Variants in CTNNA3 observed in about 807,000 individuals in gnomAD.
The protein encoded by CTNNA3 is catenin alpha-3.
In CTNNA3, 76 loss-of-function variants were observed where a neutral mutation model predicts 95.7. That is an observed-to-expected ratio of 0.79 (90% CI 0.66 to 0.96). The LOEUF (loss-of-function observed/expected upper bound fraction) is 0.96, where lower values mean the gene tolerates loss of function less well. CTNNA3 is among the 40% of genes least tolerant of loss of function. CTNNA3 has a pLI of 0.00. For synonymous variants in CTNNA3, 431 were observed against 374.4 expected (o/e 1.15, Z -1.74); for missense variants, 1,191 against 1,089.8 (o/e 1.09, Z -1.31).
intron 7 of CTNNA3, among the ~76,000 whole-genome samples, chr10:67,173,805 C>T (rs969799960): frequency 3.9e-5 from 6 of 152,184 alleles, no homozygotes; most frequent in African/African-American, 1.2e-4. Flanking sequence ...GAACTTCTAA[C>T]ATATGAGGAA....
intron 2 of CTNNA3, among the ~76,000 whole-genome samples, chr10:67,640,088 T>C (rs1839475100): frequency 6.6e-6 from 1 of 152,248 alleles, no homozygotes; most frequent in Admixed American, 6.5e-5. Flanking sequence ...ATGGCATGAT[T>C]GTATATCTAG....
intron 11 of CTNNA3, among the ~76,000 whole-genome samples, chr10:66,427,880 A>G (rs1213373615): frequency 6.6e-6 from 1 of 152,176 alleles, no homozygotes; most frequent in African/African-American, 2.4e-5. Context: ...TCATAATGAC[A>G]GGATCAAATT....
chr10:66,927,673 A>G lies in CTNNA3; in HGVS notation c.1048-152149T>C, dbSNP rs1847151445. On this transcript the variant is annotated intron_variant, in intron 7 of 17. Coordinates refer to ENST00000433211, the MANE Select transcript of CTNNA3 (RefSeq NM_013266.4). This position sits in a 1 kb window ranked among gnomAD's most constrained non-coding sequence, Gnocchi z 4.7. Reference sequence around the variant, plus strand: ...AGGACAGACCATGTCCTGGACCTGGAGCTCCTTACAAAGGCTTGATTTATC... The same window carrying G: ...AGGACAGACCATGTCCTGGACCTGGGGCTCCTTACAAAGGCTTGATTTATC... The G allele has an allele frequency of 6.2e-7, 1 of 1,614,024 alleles. No individual in the cohort carries two copies. Among genetic ancestry groups the G allele is most frequent in the African/African-American group, 1.3e-5 (1 of 74,892 alleles).
intron 9 of CTNNA3, among the ~76,000 whole-genome samples, chr10:66,728,002 C>G (rs138149964): frequency 6.6e-6 from 1 of 152,176 alleles, no homozygotes; most frequent in East Asian, 1.9e-4. Flanking sequence ...AGTAGTAGGA[C>G]GCTTACATCA....
intron 16 of CTNNA3, among the ~76,000 whole-genome samples, chr10:65,973,767 C>T (rs1026324481): frequency 6.6e-6 from 1 of 152,050 alleles, no homozygotes; most frequent in Non-Finnish European, 1.5e-5. Flanking sequence ...AGGTGCCACA[C>T]ACTTTTAAAT....
intron 1 of CTNNA3, among the ~76,000 whole-genome samples, chr10:67,666,638 T>A (rs1414249786): frequency 2.0e-5 from 3 of 152,156 alleles, no homozygotes; most frequent in South Asian, 2.1e-4. Flanking sequence ...GCAGAGGGTA[T>A]TATTAGATTC....
intron 12 of CTNNA3, among the ~76,000 whole-genome samples, chr10:66,331,011 G>A (rs1016910724): frequency 2.0e-5 from 3 of 151,974 alleles, no homozygotes; most frequent in Admixed American, 1.3e-4. Flanking sequence ...CTCCCATTCT[G>A]TAGGTTGCCT....
chr10:66,548,332 C>T (rs1231492461), intron 10 of CTNNA3, among the ~76,000 whole-genome samples: 1 of 152,008 alleles, frequency 6.6e-6, no homozygotes, highest in Non-Finnish European at 1.5e-5. Flanking sequence ...GACACTGTAT[C>T]CAGAAACTGG....
At chr10:67,733,658 T>C (rs1485522368) in intron 1 of CTNNA3, among the ~76,000 whole-genome samples, 1 of 152,226 alleles carries the variant, frequency 6.6e-6, no homozygotes, top group African/African-American at 2.4e-5. Context: ...CTTGGAAATG[T>C]CACTTACCTT....
intron 2 of CTNNA3, among the ~76,000 whole-genome samples, chr10:67,637,280 T>A (rs907729190): frequency 1.3e-5 from 2 of 152,010 alleles, no homozygotes; most frequent in Admixed American, 6.6e-5. Flanking sequence ...GAACATCAAA[T>A]GAATGAAATG....
At chr10:66,525,871 C>G (rs753980156) in intron 10 of CTNNA3, among the ~76,000 whole-genome samples, 2 of 152,080 alleles carry the variant, frequency 1.3e-5, no homozygotes, top group Non-Finnish European at 2.9e-5. Context: ...GTTGACTATT[C>G]TAGATACTTC....
chr10:66,401,990 T>C (rs1012077842), intron 11 of CTNNA3, among the ~76,000 whole-genome samples: 1 of 152,072 alleles, frequency 6.6e-6, no homozygotes. Flanking sequence ...AATAGAAATT[T>C]AGTTGTAAAT....
chr10:66,606,813 CA>C (rs1453541326), intron 10 of CTNNA3, among the ~76,000 whole-genome samples: 1 of 151,960 alleles, frequency 6.6e-6, no homozygotes, highest in Non-Finnish European at 1.5e-5. Context: ...ATGTCCACAT[CA>C]AAAAGTTAGA....
chr10:66,798,912 A>T (rs1214776101), intron 7 of CTNNA3, among the ~76,000 whole-genome samples: 1 of 151,714 alleles, frequency 6.6e-6, no homozygotes, highest in Non-Finnish European at 1.5e-5. Flanking sequence ...ATAGAACTGA[A>T]GGGTGATTCG....
intron 11 of CTNNA3, among the ~76,000 whole-genome samples, chr10:66,465,959 T>C (rs1174467150): frequency 1.3e-5 from 2 of 152,144 alleles, no homozygotes; most frequent in African/African-American, 2.4e-5. Context: ...TTTGTGATGG[T>C]TAATTTTATG....
intron 7 of CTNNA3, among the ~76,000 whole-genome samples, chr10:66,873,683 G>T (rs1359523955): frequency 1.3e-5 from 2 of 152,048 alleles, no homozygotes; most frequent in African/African-American, 2.4e-5. Flanking sequence ...TTCAACAAAT[G>T]GTGCTGGGAT....
intron 9 of CTNNA3, among the ~76,000 whole-genome samples, chr10:66,683,264 G>GTCT (rs751080528): frequency 4.0e-4 from 61 of 152,162 alleles, no homozygotes; most frequent in Non-Finnish European, 1.9e-4. Context: ...GTATTCTATA[G>GTCT]TCTTTGGGAA....
At chr10:66,316,815 C>A in intron 12 of CTNNA3, among the ~76,000 whole-genome samples, 1 of 151,960 alleles carries the variant, frequency 6.6e-6, no homozygotes, top group Non-Finnish European at 1.5e-5. Flanking sequence ...TTCAATTATC[C>A]AGTTGACAGA....
chr10:67,373,285 C>T lies in CTNNA3; in HGVS notation c.579+148557G>A, dbSNP rs190521052. Among the ~76,000 whole-genome samples the T allele has an allele frequency of 3.2e-3, 493 of 151,936 alleles. 4 individuals are homozygous for T. The highest frequency in any genetic ancestry group is 0.011 in the African/African-American group (470 of 41,448). On this transcript the variant is annotated intron_variant, in intron 5 of 17. Transcript: ENST00000433211. ...AATAAAGGGATGGAGGAAGATCTAC[C>T]AAGCAAATGGAAAACAAAAAAAAGG...
Sources: allele counts gnomAD v4.1 joint callset (sites outside exome capture counted in the v4.1 genomes callset), GRCh38; gene constraint gnomAD v4.1.1; non-coding constraint Gnocchi (gnomAD v3.1); transcripts MANE v1.5; gene names NCBI Gene and HGNC (gene_info 2026-07-23, HGNC 2026-07-21).